The following NAALADL2 variants were observed in gnomAD, a reference collection of about 807,000 sequenced individuals.
NAALADL2 encodes N-acetylated alpha-linked acidic dipeptidase like 2, also known as inactive N-acetylated-alpha-linked acidic dipeptidase-like protein 2.
A neutral mutation model predicts 87.2 loss-of-function variants in NAALADL2; 76 were observed. That is an observed-to-expected ratio of 0.87 (90% confidence interval 0.72 to 1.05). NAALADL2 has a LOEUF of 1.05. NAALADL2 is among the 50% of genes least tolerant of loss of function. The pLI is 0.00. For synonymous variants in NAALADL2, 354 were observed against 331.0 expected, an observed-to-expected ratio of 1.07 and a Z score of -0.75; for missense variants, 1,089 against 945.8, an observed-to-expected ratio of 1.15 and a Z score of -1.99.
chr3:175,644,556 T>C (rs1729739465), intron 11 of NAALADL2, among the ~76,000 whole-genome samples: 1 of 152,152 alleles, frequency 6.6e-6, no homozygotes, highest in South Asian at 2.1e-4. Context: ...ATGATGTAGA[T>C]GTATAGGCTT....
At chr3:174,477,504 C>T (rs1441348050) in intron 1 of NAALADL2, among the ~76,000 whole-genome samples, 1 of 152,122 alleles carries the variant, frequency 6.6e-6, no homozygotes, top group Admixed American at 6.6e-5. Flanking sequence ...AACTTAGAAT[C>T]ACAAAACATC....
chr3:175,384,634 T>G (rs982224563), intron 5 of NAALADL2, among the ~76,000 whole-genome samples: 2 of 151,968 alleles, frequency 1.3e-5, no homozygotes, highest in African/African-American at 4.8e-5. Context: ...CACCCATTGC[T>G]AAATTATAAT....
chr3:174,688,212 A>G (rs976253516), intron 2 of NAALADL2, among the ~76,000 whole-genome samples: 2 of 152,122 alleles, frequency 1.3e-5, no homozygotes, highest in African/African-American at 4.8e-5. Context: ...TGGATAAACC[A>G]TTTAGCTTAT....
At chr3:175,096,458 CTG>C (rs1721166334) in intron 1 of NAALADL2, among the ~76,000 whole-genome samples, 1 of 150,742 alleles carries the variant, frequency 6.6e-6, no homozygotes, top group African/African-American at 2.4e-5. Flanking sequence ...ACATTCATGA[CTG>C]TTGTTATTCT....
intron 10 of NAALADL2, chr3:175,609,666 C>A (rs954127204): frequency 2.0e-5 from 3 of 152,086 alleles, no homozygotes; most frequent in African/African-American, 7.2e-5. Context: ...TTATTCTCAA[C>A]CTTTTTTCTT....
intron 5 of NAALADL2, among the ~76,000 whole-genome samples, chr3:175,427,090 T>C (rs2149144599): frequency 6.6e-6 from 1 of 152,354 alleles, no homozygotes; most frequent in Non-Finnish European, 1.5e-5. Flanking sequence ...CTAAGGCTTA[T>C]GACTCAACAA....
At chr3:175,277,829 A>G (rs752956036) in intron 4 of NAALADL2, among the ~76,000 whole-genome samples, 103 of 152,142 alleles carry the variant, frequency 6.8e-4, no homozygotes, top group Non-Finnish European at 1.1e-3. Flanking sequence ...GTTTACTTGT[A>G]TCTTTCTTCT....
chr3:174,610,986 TA>T (rs1325592994), intron 2 of NAALADL2, among the ~76,000 whole-genome samples: 3 of 151,882 alleles, frequency 2.0e-5, no homozygotes, highest in African/African-American at 7.3e-5. Context: ...TATGCAGCCA[TA>T]AAAAAGGATG....
At chr3:175,095,061 C>T (rs548955328) in intron 1 of NAALADL2, among the ~76,000 whole-genome samples, 2 of 152,046 alleles carry the variant, frequency 1.3e-5, no homozygotes, top group Admixed American at 1.3e-4. Flanking sequence ...CCAATGTCAC[C>T]TTTTCCTAGT....
At chr3:175,255,468 CTTT>C (rs1204811300) in intron 3 of NAALADL2, among the ~76,000 whole-genome samples, 1 of 151,830 alleles carries the variant, frequency 6.6e-6, no homozygotes, top group East Asian at 1.9e-4. Flanking sequence ...TAACTGTTTT[CTTT>C]TTTAATCAGC....
chr3:175,393,042 A>T (rs1253203183), intron 5 of NAALADL2, among the ~76,000 whole-genome samples: 1 of 152,086 alleles, frequency 6.6e-6, no homozygotes. Flanking sequence ...TGGGAGGCCG[A>T]GGCGGGTGGA....
intron 2 of NAALADL2, among the ~76,000 whole-genome samples, chr3:174,728,712 C>T (rs565583081): frequency 6.6e-6 from 1 of 151,990 alleles, no homozygotes; most frequent in African/African-American, 2.4e-5. Context: ...AGCCACAGAA[C>T]TCATCATACT....
intron 2 of NAALADL2, among the ~76,000 whole-genome samples, chr3:174,680,327 C>G (rs545118073): frequency 6.6e-6 from 1 of 152,166 alleles, no homozygotes; most frequent in African/African-American, 2.4e-5. Flanking sequence ...GCTAGATAAT[C>G]TCATCGATGT....
intron 3 of NAALADL2, among the ~76,000 whole-genome samples, chr3:174,814,782 A>G (rs1720608811): frequency 2.6e-5 from 4 of 152,334 alleles, no homozygotes; most frequent in South Asian, 2.1e-4. Context: ...ATGGCCTTCC[A>G]TATAGCAGGC....
In NAALADL2 at chr3:175,810,126, TATTG is replaced by T. The variant is rs1425849746; in HGVS notation, c.*6927_*6930del. 1.4e-4 allele frequency: 22 copies of T among 152,064 alleles called. No individual in the cohort carries two copies. Among genetic ancestry groups the T allele is most frequent in the Non-Finnish European group, 2.6e-4 (18 of 67,956 alleles). 9.4% of individuals were successfully genotyped at this position (152,064 alleles called of 1,614,324 possible). A position where few individuals can be genotyped will look rare whatever the true frequency, so the allele number is the denominator to read the frequency against. On this transcript the variant is annotated 3_prime_UTR_variant, in exon 14 of 14. Transcript: ENST00000454872. ...GTTGTTGTTAACTGATTTTTAATGA[TATTG>T]ATTTAGAGGCATTTGTCGGTAGTTT... is the stretch of plus-strand genomic sequence containing the variant.
chr3:175,223,962 G>T (rs1743787994), intron 2 of NAALADL2, among the ~76,000 whole-genome samples: 1 of 152,122 alleles, frequency 6.6e-6, no homozygotes, highest in Non-Finnish European at 1.5e-5. Context: ...AAATGTTACT[G>T]TTCAACATAT....
At chr3:175,705,941 A>G (rs1236482687) in intron 11 of NAALADL2, among the ~76,000 whole-genome samples, 1 of 152,160 alleles carries the variant, frequency 6.6e-6, no homozygotes, top group African/African-American at 2.4e-5. Flanking sequence ...CTAAGAAAGG[A>G]CATACCTTGG....
intron 1 of NAALADL2, among the ~76,000 whole-genome samples, chr3:174,460,837 G>A (rs549756618): frequency 6.6e-6 from 1 of 152,016 alleles, no homozygotes; most frequent in Admixed American, 6.6e-5. Flanking sequence ...CTCTTCAATT[G>A]AGTAAGCTTA....
chr3:175,241,478 C>T (rs1026519439), intron 3 of NAALADL2, among the ~76,000 whole-genome samples: 2 of 152,154 alleles, frequency 1.3e-5, no homozygotes, highest in Non-Finnish European at 2.9e-5. Flanking sequence ...ACCTCGGCCT[C>T]CCAAAGTGCT....
Sources: gnomAD v4.1 joint callset for allele counts (sites outside exome capture counted in the v4.1 genomes callset) on GRCh38, gnomAD v4.1.1 for gene constraint, MANE v1.5 for transcripts, NCBI Gene and HGNC (gene_info 2026-07-23, HGNC 2026-07-21) for gene names.